RPS6KA3: variants seen among roughly 807,000 people sequenced by gnomAD.
RPS6KA3 encodes ribosomal protein S6 kinase alpha-3.
A neutral mutation model predicts 67.2 loss-of-function variants in RPS6KA3; 4 were observed. The observed-to-expected ratio is 0.06, with a 90% CI of 0.03 to 0.14. RPS6KA3 has a LOEUF of 0.14. RPS6KA3 is among the 10% of genes least tolerant of loss of function. The pLI is 1.00. For missense variants in RPS6KA3, 204 were observed against 559.0 expected (o/e 0.36, Z 6.40); for synonymous variants, 182 against 183.7 (o/e 0.99, Z 0.07).
chrX:20,219,611 T>C (rs762202605), intron 2 of RPS6KA3, among the ~76,000 whole-genome samples: 58 of 111,472 alleles, frequency 5.2e-4, no homozygotes, highest in African/African-American at 1.8e-3. Context: ...AAAAAAGAAG[T>C]CCAATCCTTG....
At chrX:20,155,694 A>G (rs1486796082) in intron 21 of RPS6KA3, among the ~76,000 whole-genome samples, 174 bp from the exon 22 acceptor site, 2 of 112,115 alleles carry the variant, frequency 1.8e-5, no homozygotes, top group Non-Finnish European at 3.8e-5. Context: ...AGAGGCCAAC[A>G]TGGAGGTTAA....
At chrX:20,209,836 T>TA (rs950783048) in intron 2 of RPS6KA3, among the ~76,000 whole-genome samples, 1 of 112,090 alleles carries the variant, frequency 8.9e-6, no homozygotes, top group Non-Finnish European at 1.9e-5. Flanking sequence ...TAATGCTATT[T>TA]AAAAAAAGTG....
At chrX:20,161,561 G>A in intron 20 of RPS6KA3, 83 bp downstream of exon 20, 1 of 414,425 alleles carries the variant, frequency 2.4e-6, no homozygotes, top group Non-Finnish European at 4.3e-6. Context: ...ATAAACAAAG[G>A]TTTCTAACTG....
chrX:20,193,197 G>T (rs2068186228), intron 7 of RPS6KA3, among the ~76,000 whole-genome samples: 1 of 111,385 alleles, frequency 9.0e-6, no homozygotes, highest in Admixed American at 9.5e-5. Flanking sequence ...AGAATTGCTT[G>T]AATCTGGGAG....
chrX:20,233,648 G>T (rs1450926537), intron 2 of RPS6KA3, among the ~76,000 whole-genome samples: 2 of 110,263 alleles, frequency 1.8e-5, no homozygotes, highest in Non-Finnish European at 3.8e-5. Flanking sequence ...CTACCAAGAA[G>T]GCTGAGGTGG....
chrX:20,191,410 G>A (rs2068124155), intron 7 of RPS6KA3, among the ~76,000 whole-genome samples: 1 of 111,291 alleles, frequency 9.0e-6, no homozygotes, highest in Non-Finnish European at 1.9e-5. Flanking sequence ...TGGGTCAAAC[G>A]GTATTTCTGG....
intron 2 of RPS6KA3, among the ~76,000 whole-genome samples, chrX:20,215,479 C>T (rs2068827785): frequency 1.8e-5 from 2 of 111,703 alleles, no homozygotes; most frequent in African/African-American, 6.5e-5. Context: ...TTTTCTGTTC[C>T]TTCTAAGTTT....
In RPS6KA3 at chrX:20,231,900, C is replaced by CGA. The variant is rs201894510; in HGVS notation, c.126+2856_126+2857dup. ...GGAATAGGCAACAAAGGAACCTCCCCGAGAGCCATCTGTTGTTTTAAACCA... is the reference window on the plus strand; with the variant it reads ...GGAATAGGCAACAAAGGAACCTCCCCGAGAGAGCCATCTGTTGTTTTAAACCA... On this transcript the variant is annotated intron_variant, in intron 2 of 21. Transcript: ENST00000379565. Among the ~76,000 whole-genome samples, 12 of 111,488 alleles carry CGA rather than the reference C, an allele frequency of 1.1e-4. No individual in the cohort carries two copies. In the East Asian group the frequency reaches 3.4e-3, roughly 31 times the overall value.
chrX:20,155,592 G>T, intron 21 of RPS6KA3, 72 bp from the exon 22 acceptor site: 2 of 1,088,970 alleles, frequency 1.8e-6, no homozygotes, highest in Non-Finnish European at 2.5e-6. Flanking sequence ...ACAAAATGAA[G>T]AGTTTTTTCA....
At position 20,161,238 on chromosome X, in the gene RPS6KA3, T is replaced by C. The variant is rs2067298167; in HGVS notation, c.1959+406A>G. ...TTGAAGCACCCATGTTTACCTGGTA[T>C]GTAACATAGACAAGTTCAAACTAAC... On this transcript the variant is annotated intron_variant, in intron 20 of 21. Transcript: ENST00000379565. 2.7e-5 allele frequency among the ~76,000 whole-genome samples: 3 copies of C among 112,221 alleles called. No individual in the cohort carries two copies. In the South Asian group the frequency reaches 1.1e-3, roughly 41 times the overall value.
chrX:20,232,384 C>G (rs981183723), intron 2 of RPS6KA3, among the ~76,000 whole-genome samples: 3 of 111,357 alleles, frequency 2.7e-5, no homozygotes, highest in Non-Finnish European at 5.7e-5. Flanking sequence ...ACCAGCCTGA[C>G]CAATATGGTG....
intron 2 of RPS6KA3, among the ~76,000 whole-genome samples, chrX:20,219,383 T>C (rs1047244623): frequency 2.7e-5 from 3 of 111,820 alleles, no homozygotes; most frequent in Non-Finnish European, 5.6e-5. Flanking sequence ...GGGTGTTCCC[T>C]GTCAATGAGG....
intron 5 of RPS6KA3, among the ~76,000 whole-genome samples, chrX:20,194,825 C>T (rs1435229723): frequency 9.0e-6 from 1 of 110,671 alleles, no homozygotes; most frequent in Non-Finnish European, 1.9e-5. Flanking sequence ...ATTATCATTA[C>T]CTGTTCCTAT....
At chrX:20,266,177 C>T (rs373639340) in intron 1 of RPS6KA3, 203 of 147,178 alleles carry the variant, frequency 1.4e-3, no homozygotes, top group African/African-American at 6.2e-3. Flanking sequence ...CCTCCCTCAT[C>T]TCCCAAAGTC....
In RPS6KA3 at chrX:20,214,906, T is replaced by A. The variant is rs1286771331; in HGVS notation, c.127-5502A>T. Among the ~76,000 whole-genome samples the A allele has an allele frequency of 1.0e-4, 11 of 105,220 alleles. 1 individual carries two copies. Among genetic ancestry groups the A allele is most frequent in the African/African-American group, 3.9e-4 (11 of 28,520 alleles). 91.4% of individuals were successfully genotyped at this position (105,220 alleles called of 115,157 possible). A position where few individuals can be genotyped will look rare whatever the true frequency, so the allele number is the denominator to read the frequency against. On this transcript the variant is annotated intron_variant, in intron 2 of 21. Coordinates refer to ENST00000379565, the MANE Select transcript of RPS6KA3 (RefSeq NM_004586.3). ...CACGCTGGAGTGCAATGGTGCGATC[T>A]CAGCTCACTGCAGCCTCAACCTCCT... is the stretch of plus-strand genomic sequence containing the variant.
intron 10 of RPS6KA3, among the ~76,000 whole-genome samples, chrX:20,183,183 A>C (rs2067887296): frequency 9.0e-6 from 1 of 110,804 alleles, no homozygotes; most frequent in Admixed American, 9.7e-5. Context: ...GAAGGTAGGA[A>C]TTTTAAAAAA....
chrX:20,249,282 CAG>C (rs1213737790), intron 1 of RPS6KA3, among the ~76,000 whole-genome samples: 2 of 112,158 alleles, frequency 1.8e-5, no homozygotes, highest in East Asian at 5.5e-4. Context: ...CATCTGTGCA[CAG>C]ACTTTTATGT....
intron 1 of RPS6KA3, among the ~76,000 whole-genome samples, chrX:20,258,695 T>C (rs1486584995): frequency 8.9e-6 from 1 of 112,242 alleles, no homozygotes; most frequent in Non-Finnish European, 1.9e-5. Flanking sequence ...TTTTAAGTTA[T>C]ATAAGAGACC....
At position 20,154,477 on chromosome X, in the gene RPS6KA3, C is replaced by T. The variant is rs189661956; in HGVS notation, c.*921G>A. On this transcript the variant is annotated 3_prime_UTR_variant, in exon 22 of 22. Transcript: ENST00000379565. ...GGGCTTTGACGTATATTGGCAAAAT[C>T]CCAGATGATATGCCAAATTCTAAGT... The T allele has an allele frequency of 2.4e-4, 27 of 112,343 alleles. No homozygotes were observed. The highest frequency in any genetic ancestry group is 8.5e-4 in the Admixed American group (9 of 10,576). 9.3% of individuals were successfully genotyped at this position (112,343 alleles called of 1,213,427 possible). A position where few individuals can be genotyped will look rare whatever the true frequency, so the allele number is the denominator to read the frequency against.
Sources: allele counts gnomAD v4.1 joint callset (sites outside exome capture counted in the v4.1 genomes callset), GRCh38; gene constraint gnomAD v4.1.1; transcripts MANE v1.5; gene names NCBI Gene and HGNC (gene_info 2026-07-23, HGNC 2026-07-21).